Variants in NCAM2 observed in about 807,000 individuals in gnomAD.
NCAM2 encodes N-CAM-2.
NCAM2 carries 30 observed loss-of-function variants against 98.1 expected under a neutral mutation model. That is an observed-to-expected ratio of 0.31 (90% CI 0.23 to 0.41). NCAM2 has a LOEUF of 0.41. NCAM2 is among the 10% of genes least tolerant of loss of function. The pLI is 1.00. For synonymous variants in NCAM2, 368 were observed against 342.4 expected (o/e 1.07, Z -0.83); for missense variants, 867 against 1,005.8 (o/e 0.86, Z 1.87).
At chr21:21,239,912 T>C (rs918325919) in intron 1 of NCAM2, among the ~76,000 whole-genome samples, 2 of 152,130 alleles carry the variant, frequency 1.3e-5, no homozygotes, top group Admixed American at 1.3e-4. Flanking sequence ...GTATGTTTTT[T>C]CCTTCCAAAG....
intron 1 of NCAM2, among the ~76,000 whole-genome samples, chr21:21,135,951 T>C (rs1435500508): frequency 6.6e-6 from 1 of 152,082 alleles, no homozygotes; most frequent in African/African-American, 2.4e-5. Context: ...AAAAAAATTG[T>C]TATGACATCA....
At chr21:21,272,934 T>TCACACACACACACA (rs61235726) in intron 1 of NCAM2, among the ~76,000 whole-genome samples, 6,846 of 124,738 alleles carry the variant, frequency 0.055, 312 homozygotes, top group African/African-American at 0.1. Flanking sequence ...GGACATGCAT[T>TCACACACACACACA]CACACACACA....
chr21:21,436,228 C>A (rs556212890), intron 12 of NCAM2, among the ~76,000 whole-genome samples: 1 of 152,278 alleles, frequency 6.6e-6, no homozygotes, highest in African/African-American at 2.4e-5. Context: ...TTTAACCAAA[C>A]ATACTTTCAT....
intron 1 of NCAM2, among the ~76,000 whole-genome samples, chr21:21,122,000 C>T (rs768445657): frequency 6.6e-6 from 1 of 152,214 alleles, no homozygotes; most frequent in Non-Finnish European, 1.5e-5. Flanking sequence ...GTATGAGCTT[C>T]CGAATGAGCA....
At chr21:21,468,499 G>A (rs1380596) in intron 13 of NCAM2, among the ~76,000 whole-genome samples, 163 bp from the exon 14 acceptor site, 77,808 of 151,428 alleles carry the variant, frequency 0.51, 20,749 homozygotes, top group Non-Finnish European at 0.55. Flanking sequence ...CTTCTTGGAT[G>A]GGGAAAATGT....
At chr21:21,188,654 C>A (rs2068718204) in intron 1 of NCAM2, among the ~76,000 whole-genome samples, 1 of 151,980 alleles carries the variant, frequency 6.6e-6, no homozygotes, top group African/African-American at 2.4e-5. Context: ...ATTTTTAAAT[C>A]ATGAAGCAGA....
intron 1 of NCAM2, among the ~76,000 whole-genome samples, chr21:21,226,082 C>G (rs1194705790): frequency 6.6e-6 from 1 of 151,980 alleles, no homozygotes; most frequent in Non-Finnish European, 1.5e-5. Flanking sequence ...TGCATGTTCT[C>G]ACTTATAAGT....
At chr21:21,401,317 G>T (rs994360846) in intron 9 of NCAM2, among the ~76,000 whole-genome samples, 5 of 152,028 alleles carry the variant, frequency 3.3e-5, no homozygotes, top group Admixed American at 1.3e-4. Flanking sequence ...CCTTTTTCGT[G>T]GTGAGAACAT....
chr21:21,354,345 C>A (rs1455251657), intron 8 of NCAM2, among the ~76,000 whole-genome samples: 1 of 152,158 alleles, frequency 6.6e-6, no homozygotes, highest in East Asian at 1.9e-4. Context: ...TAACCAGCTT[C>A]ATCTCTTTTC....
At chr21:21,490,150 A>G (rs1290496217) in intron 15 of NCAM2, among the ~76,000 whole-genome samples, 2 of 152,092 alleles carry the variant, frequency 1.3e-5, no homozygotes, top group African/African-American at 4.8e-5. Flanking sequence ...TCCAAGCCTG[A>G]ACTGTCAGTA....
intron 12 of NCAM2, among the ~76,000 whole-genome samples, chr21:21,459,087 A>G (rs1431898327): frequency 1.3e-5 from 2 of 152,184 alleles, no homozygotes; most frequent in South Asian, 2.1e-4. Context: ...GCCAATAGGT[A>G]TATGAAACGG....
chr21:21,141,746 C>T (rs2067172045), intron 1 of NCAM2, among the ~76,000 whole-genome samples: 1 of 152,168 alleles, frequency 6.6e-6, no homozygotes, highest in South Asian at 2.1e-4. Flanking sequence ...TCCACACTAT[C>T]TGGCATGACA....
intron 9 of NCAM2, among the ~76,000 whole-genome samples, chr21:21,387,927 G>C (rs1386207897): frequency 6.6e-6 from 1 of 152,150 alleles, no homozygotes; most frequent in South Asian, 2.1e-4. Flanking sequence ...ACATCAGTCA[G>C]CTTGCCATAA....
chr21:21,522,614 T>TCTTTTC (rs1569136816), intron 16 of NCAM2, among the ~76,000 whole-genome samples: 1 of 128,712 alleles, frequency 7.8e-6, no homozygotes, highest in African/African-American at 2.9e-5. Flanking sequence ...AACAAGTTCT[T>TCTTTTC]TTTTTCTTTT....
At chr21:21,022,811 G>A (rs921217769) in intron 1 of NCAM2, among the ~76,000 whole-genome samples, 3 of 151,970 alleles carry the variant, frequency 2.0e-5, no homozygotes, top group South Asian at 4.1e-4. Context: ...AGTTTTAACC[G>A]GGAAAAGGTG....
chr21:21,044,802 C>CA (rs11412713), intron 1 of NCAM2, among the ~76,000 whole-genome samples: 142,772 of 151,716 alleles, frequency 0.94, 67,784 homozygotes, highest in East Asian at 1. Context: ...GCTGTCTCTA[C>CA]AAAAATAAAA....
intron 1 of NCAM2, among the ~76,000 whole-genome samples, chr21:21,245,237 A>T (rs1050337899): frequency 6.6e-6 from 1 of 152,172 alleles, no homozygotes; most frequent in African/African-American, 2.4e-5. Context: ...GTCAACTATT[A>T]TCAACTTCTC....
At chr21:21,024,400 G>C (rs2064498952) in intron 1 of NCAM2, among the ~76,000 whole-genome samples, 1 of 152,026 alleles carries the variant, frequency 6.6e-6, no homozygotes, top group Non-Finnish European at 1.5e-5. Context: ...GGAAAAAACA[G>C]AGAAAATTGA....
At chr21:21,374,427 CATAAACT>C (rs2075988040) in intron 9 of NCAM2, among the ~76,000 whole-genome samples, 1 of 151,770 alleles carries the variant, frequency 6.6e-6, no homozygotes, top group East Asian at 1.9e-4. Context: ...TTTACATTTT[CATAAACT>C]ATAAAGAGTA....
Sources: allele counts gnomAD v4.1 joint callset (sites outside exome capture counted in the v4.1 genomes callset), GRCh38; gene constraint gnomAD v4.1.1; transcripts MANE v1.5; gene names NCBI Gene and HGNC (gene_info 2026-07-23, HGNC 2026-07-21).